Variants in CIMAP1D observed in about 807,000 individuals in gnomAD.
The protein encoded by CIMAP1D is CIMAP1 family member D.
At chr19:490,942 TGCAAAA>T in the CIMAP1D span, among the ~76,000 whole-genome samples, 17 of 152,282 alleles carry the variant, frequency 1.1e-4, no homozygotes, top group African/African-American at 4.1e-4. Flanking sequence ...CTACTAAAAA[TGCAAAA>T]GTTAGCTGGG....
chr19:465,612 GGT>G, the CIMAP1D span, among the ~76,000 whole-genome samples: 1 of 143,386 alleles, frequency 7.0e-6, no homozygotes, highest in Non-Finnish European at 1.5e-5. Flanking sequence ...GGTGCAGGTC[GGT>G]GTGTGGATGG....
chr19:483,063 G>A, the CIMAP1D span, among the ~76,000 whole-genome samples: 1 of 152,166 alleles, frequency 6.6e-6, no homozygotes, highest in Non-Finnish European at 1.5e-5. Flanking sequence ...TCACTCTGAA[G>A]ACAAGGGCAT....
the CIMAP1D span, among the ~76,000 whole-genome samples, chr19:470,309 C>A: frequency 6.6e-6 from 1 of 151,804 alleles, no homozygotes; most frequent in Admixed American, 6.6e-5. Context: ...CGGGTTCATG[C>A]CATTCTCCTG....
the CIMAP1D span, among the ~76,000 whole-genome samples, chr19:483,326 T>A: frequency 6.9e-6 from 1 of 144,656 alleles, no homozygotes; most frequent in Non-Finnish European, 1.5e-5. Context: ...CCACTCTATG[T>A]CAGCCAGAGC....
chr19:486,878 C>A, the CIMAP1D span, among the ~76,000 whole-genome samples: 4,322 of 152,028 alleles, frequency 0.028, 112 homozygotes, highest in South Asian at 0.11. Context: ...TGTGCCAGTG[C>A]ACTCCAGCCT....
the CIMAP1D span, among the ~76,000 whole-genome samples, chr19:486,443 T>C: frequency 1.4e-5 from 2 of 142,726 alleles, no homozygotes; most frequent in East Asian, 4.8e-4. Context: ...TGATTTTTTG[T>C]TTCTGTTGTT....
At chr19:464,759 T>C in the CIMAP1D span, among the ~76,000 whole-genome samples, 1 of 152,314 alleles carries the variant, frequency 6.6e-6, no homozygotes, top group African/African-American at 2.4e-5. Flanking sequence ...AAGGAAGGCA[T>C]GTCAAATTTA....
At chr19:465,148 T>G in the CIMAP1D span, among the ~76,000 whole-genome samples, 7 of 92,740 alleles carry the variant, frequency 7.5e-5, no homozygotes, top group Admixed American at 1.3e-4. Context: ...GATGGATGGG[T>G]GGGTGGGTGG....
At chr19:487,940 G>C in the CIMAP1D span, among the ~76,000 whole-genome samples, 1 of 152,192 alleles carries the variant, frequency 6.6e-6, no homozygotes, top group Non-Finnish European at 1.5e-5. Context: ...ACATTGTATG[G>C]AAAAGCACTG....
the CIMAP1D span, chr19:489,948 T>A: frequency 2.5e-6 from 1 of 397,986 alleles, no homozygotes; most frequent in Non-Finnish European, 4.4e-6. Context: ...CCCTGCCCGG[T>A]GCTGAGAGAG....
the CIMAP1D span, among the ~76,000 whole-genome samples, chr19:482,297 G>A: frequency 6.6e-5 from 10 of 152,122 alleles, no homozygotes; most frequent in South Asian, 2.1e-4. Flanking sequence ...GTGCTCCAGC[G>A]TCACCTGTGA....
chr19:482,789 C>T, the CIMAP1D span, among the ~76,000 whole-genome samples: 2 of 152,148 alleles, frequency 1.3e-5, no homozygotes, highest in East Asian at 3.9e-4. Context: ...ACTGTCCTGC[C>T]CACCTACACC....
chr19:481,452 G>GATGATGGGA, the CIMAP1D span, among the ~76,000 whole-genome samples: 1 of 83,536 alleles, frequency 1.2e-5, no homozygotes, highest in African/African-American at 5.0e-5. Context: ...GGATGATGGG[G>GATGATGGGA]AAGGATGATG....
chr19:465,665 G>A, the CIMAP1D span, among the ~76,000 whole-genome samples: 2 of 131,840 alleles, frequency 1.5e-5, no homozygotes, highest in East Asian at 2.7e-4. Context: ...GAGTGGGTGG[G>A]TAGATGGATG....
chr19:485,487 C>T, the CIMAP1D span, among the ~76,000 whole-genome samples: 1 of 152,218 alleles, frequency 6.6e-6, no homozygotes, highest in Non-Finnish European at 1.5e-5. Flanking sequence ...CCGTTCTTTT[C>T]TCTAGAGACA....
At chr19:475,771 G>A in the CIMAP1D span, among the ~76,000 whole-genome samples, 2 of 126,604 alleles carry the variant, frequency 1.6e-5, no homozygotes, top group Non-Finnish European at 3.5e-5. Flanking sequence ...GCCTTTTGCA[G>A]TGTAATTTTT....
the CIMAP1D span, chr19:472,645 C>T: frequency 2.1e-5 from 11 of 532,840 alleles, no homozygotes; most frequent in Non-Finnish European, 3.7e-5. Flanking sequence ...AGGCTGCTGC[C>T]CGTCGGGGAC....
the CIMAP1D span, among the ~76,000 whole-genome samples, chr19:474,192 C>T: frequency 1.3e-5 from 2 of 152,212 alleles, no homozygotes; most frequent in Non-Finnish European, 2.9e-5. Flanking sequence ...AACTGCGGCC[C>T]GTCCTGGGCC....
the CIMAP1D span, among the ~76,000 whole-genome samples, chr19:489,001 G>A: frequency 6.6e-6 from 1 of 152,074 alleles, no homozygotes; most frequent in African/African-American, 2.4e-5. Context: ...CGAACTCGGA[G>A]GACCGCGGGC....
Sources: allele counts gnomAD v4.1 joint callset (sites outside exome capture counted in the v4.1 genomes callset), GRCh38; gene constraint gnomAD v4.1.1; transcripts MANE v1.5; gene names NCBI Gene and HGNC (gene_info 2026-07-23, HGNC 2026-07-21).